The following KIF26A variants were observed in gnomAD, a reference collection of about 807,000 sequenced individuals.
KIF26A encodes the protein kinesin family member 26A, also known as kinesin-like protein KIF26A.
KIF26A carries 74 observed loss-of-function variants against 126.0 expected under a neutral mutation model. The ratio of observed to expected loss-of-function variants is 0.59; its 90% confidence interval spans 0.49 to 0.71. The LOEUF (loss-of-function observed/expected upper bound fraction) is 0.71, where lower values mean the gene tolerates loss of function less well. KIF26A is among the 30% of genes least tolerant of loss of function. The pLI is 0.00. For synonymous variants in KIF26A, 1,445 were observed against 1,232.7 expected (o/e 1.17, Z -3.61); for missense variants, 2,984 against 2,763.3 (o/e 1.08, Z -1.79).
chr14:104,176,765 C>T lies in KIF26A; in HGVS notation c.3977C>T (p.Pro1326Leu). The T allele has an allele frequency of 6.3e-7, 1 of 1,582,510 alleles. No individual in the cohort carries two copies. Among genetic ancestry groups the T allele is most frequent in the Non-Finnish European group, 8.6e-7 (1 of 1,165,720 alleles). ...CCAGCTGTGTCCTGGGGAGATGCTC[C>T]CACGGAGGTGGTGGCCTGCTCGGGG... ...TTPAVSWGDA[P>L]TEVVACSGSL... is the part of the protein sequence containing the mutation. The change falls in exon 12 of 15, where the codon CCC becomes CTC. Residue 1326 changes from proline to leucine, a missense_variant. Physicochemically the swap from Pro to Leu is moderately conservative, Grantham distance 98. Transcript: ENST00000423312.
intron 3 of KIF26A, among the ~76,000 whole-genome samples, chr14:104,156,081 C>T (rs369718604): frequency 2.2e-4 from 34 of 152,306 alleles, no homozygotes; most frequent in East Asian, 1.2e-3. Context: ...GGTGCGGCCC[C>T]GGCCCCCAGG....
rs1351728208 is a variant in KIF26A, at chr14:104,173,080, G to A, written c.1524G>A (p.Glu508=). 1.2e-6 allele frequency: 2 copies of A among 1,605,180 alleles called. No homozygotes were observed. Among genetic ancestry groups the A allele is most frequent in the Admixed American group, 1.7e-5 (1 of 58,922 alleles). ...TCAGGCTCATCGAGGAGCGCAGGGA[G>A]AGGACGGGCACCCGCTTCTCCGTCC... ...WLFRLIEERR[E]RTGTRFSVRV... is the part of the protein sequence containing the mutation. The change falls in exon 8 of 15, where the codon GAG becomes GAA. Residue 508 remains glutamate (E), a synonymous_variant. Coordinates refer to ENST00000423312, the MANE Select transcript of KIF26A (RefSeq NM_015656.2).
In KIF26A at chr14:104,175,471, G is replaced by A. The variant is rs764271442; in HGVS notation, c.2683G>A (p.Ala895Thr). Reference protein sequence around the residue: ...SPRKAVGTPMAASTPRGSSGP... With the variant: ...SPRKAVGTPMTASTPRGSSGP... ...CAGGAAGGCCGTGGGCACCCCGATG[G>A]CTGCCAGCACCCCTCGAGGCAGTTC... The change falls in exon 12 of 15, where the codon GCT becomes ACT. Residue 895 changes from alanine (A) to threonine (T), a missense_variant. By Grantham distance (58) the Ala-to-Thr change is moderately conservative. Coordinates refer to ENST00000423312, the MANE Select transcript of KIF26A (RefSeq NM_015656.2). The A allele has an allele frequency of 1.9e-6, 3 of 1,592,530 alleles. No individual in the cohort carries two copies. The South Asian group carries it at 3.3e-5, about 18-fold the overall frequency.
chr14:104,173,235 C>T lies in KIF26A; in HGVS notation c.1679C>T (p.Ala560Val), dbSNP rs371178408. ...CTGCGGGAGGACCCCGTGTGTGGGG[C>T]GCAGGTGCGCCTGCCTACTGTCCCA... ...VYLREDPVCG[A>V]QLQNQSELRA... The change falls in exon 8 of 15, where the codon GCG becomes GTG. Residue 560 changes from alanine to valine, a missense_variant. Transcript: ENST00000423312. The T allele has an allele frequency of 2.2e-5, 35 of 1,606,442 alleles. 1 individual carries two copies. The highest frequency in any genetic ancestry group is 1.7e-4 in the Middle Eastern group (1 of 6,040).
intron 6 of KIF26A, 105 bp from the exon 7 acceptor site, chr14:104,172,466 TCTCC>T (rs2141114602): frequency 2.8e-6 from 2 of 706,592 alleles, no homozygotes; most frequent in South Asian, 3.6e-5. Context: ...TGCAGCCCAA[TCTCC>T]TTGTGGGTCG....
intron 3 of KIF26A, among the ~76,000 whole-genome samples, chr14:104,157,134 A>G (rs1366973924): frequency 1.3e-5 from 2 of 152,096 alleles, no homozygotes; most frequent in African/African-American, 2.4e-5. Flanking sequence ...GCGGAGGTGG[A>G]GCTCACGTTT....
At chr14:104,172,887 G>T in intron 7 of KIF26A, 90 bp from the exon 8 acceptor site, 1 of 1,435,736 alleles carries the variant, frequency 7.0e-7, no homozygotes, top group South Asian at 1.5e-5. Context: ...CTGAGATCTC[G>T]GTGCCCCTGG....
chr14:104,173,552 G>A lies in KIF26A; in HGVS notation c.1867+39G>A, dbSNP rs534151845. 5.9e-6 allele frequency: 9 copies of A among 1,514,762 alleles called. 1 individual carries two copies. In the Middle Eastern group the frequency reaches 5.5e-4, roughly 93 times the overall value. The allele number at this position is 1,514,762 out of a possible 1,614,324, so 93.8% of individuals were successfully genotyped here. ...CCGCACTCCCGGGCCCCTGTGGGAT[G>A]CGTGTCAGCAGAGACCCAGGCACAG... On this transcript the variant is annotated intron_variant, in intron 9 of 14. Transcript: ENST00000423312.
chr14:104,142,441 C>T (rs1232126343), intron 2 of KIF26A, among the ~76,000 whole-genome samples: 1 of 152,026 alleles, frequency 6.6e-6, no homozygotes, highest in Non-Finnish European at 1.5e-5. Flanking sequence ...TGTGGCCTGG[C>T]CTCCTGTGGC....
chr14:104,147,459 G>T (rs2141091547), intron 2 of KIF26A, among the ~76,000 whole-genome samples: 1 of 152,326 alleles, frequency 6.6e-6, no homozygotes, highest in Non-Finnish European at 1.5e-5. Flanking sequence ...CAGAGCTGCA[G>T]ACCCACAGGA....
Position 104,176,788 on chromosome 14 carries a change from G to C in KIF26A, c.4000G>C (p.Gly1334Arg). 2 of 1,571,856 alleles carry C rather than the reference G, an allele frequency of 1.3e-6. No individual in the cohort carries two copies. Among genetic ancestry groups the C allele is most frequent in the Non-Finnish European group, 1.7e-6 (2 of 1,159,978 alleles). ...TCCCACGGAGGTGGTGGCCTGCTCG[G>C]GGAGCCTGAAGGCCTCCCCCACCAG... The part of the protein sequence containing the change: ...DAPTEVVACS[G>R]SLKASPTSKK... Residue 1334 changes from glycine to arginine, a missense_variant, in exon 12 of 15, where the codon GGG becomes CGG. Transcript: ENST00000423312.
Position 104,173,327 on chromosome 14 carries a change from C to T in KIF26A, c.1684-3C>T, listed in dbSNP as rs746698105. On this transcript the variant is annotated splice_region_variant and splice_polypyrimidine_tract_variant and intron_variant, in intron 8 of 14. Coordinates refer to ENST00000423312, the MANE Select transcript of KIF26A (RefSeq NM_015656.2). ...GACGCCGCTGCCTCTGCCTTTCCTG[C>T]AGCTCCAGAACCAAAGCGAGCTGCG... 25 of 1,605,684 alleles carry T rather than the reference C, an allele frequency of 1.6e-5. No homozygotes were observed. The highest frequency in any genetic ancestry group is 3.4e-5 in the Admixed American group (2 of 59,474).
At chr14:104,161,514 T>C (rs748649503) in intron 4 of KIF26A, among the ~76,000 whole-genome samples, 1 of 152,238 alleles carries the variant, frequency 6.6e-6, no homozygotes, top group Admixed American at 6.5e-5. Context: ...AAGGAAAATA[T>C]TTCCTTTTCT....
rs549939896 is a variant in KIF26A at position 104,170,679 on chromosome 14, C to T, written c.1114-1044C>T. 5.3e-5 allele frequency among the ~76,000 whole-genome samples: 8 copies of T among 152,358 alleles called. No individual in the cohort carries two copies. The East Asian group carries it at 9.6e-4, about 18-fold the overall frequency. ...TGGAGCCCTGGTTCAGGGTGGCCCT[C>T]GTGTGCGCAGCCTCTGCCGGGTCAG... On this transcript the variant is annotated intron_variant, in intron 5 of 14. Transcript: ENST00000423312.
At chr14:104,173,954 T>C (rs2037988262) in intron 10 of KIF26A, 86 bp downstream of exon 10, 1 of 1,470,792 alleles carries the variant, frequency 6.8e-7, no homozygotes, top group Non-Finnish European at 9.1e-7. Context: ...GGTGCTGCTG[T>C]GGCCCCCAGC....
At chr14:104,169,371 G>A (rs71417900) in intron 5 of KIF26A, among the ~76,000 whole-genome samples, 4,178 of 152,324 alleles carry the variant, frequency 0.027, 83 homozygotes, top group Non-Finnish European at 0.029. Flanking sequence ...TTTTCCCAGC[G>A]CCCCGCGTTT....
At chr14:104,159,317 G>A (rs1259797653) in intron 4 of KIF26A, among the ~76,000 whole-genome samples, 3 of 152,250 alleles carry the variant, frequency 2.0e-5, no homozygotes, top group Admixed American at 6.5e-5. Flanking sequence ...GCTGTTCTGG[G>A]CACAGCCCTG....
chr14:104,157,906 C>A lies in KIF26A; in HGVS notation c.887C>A (p.Ser296Tyr). 1 of 1,547,876 alleles carries A rather than the reference C, an allele frequency of 6.5e-7. No homozygotes were observed. The highest frequency in any genetic ancestry group is 8.7e-7 in the Non-Finnish European group (1 of 1,145,156). Residue 296 changes from serine (S) to tyrosine (Y), a missense_variant, in exon 4 of 15, where the codon TCC (serine) becomes TAC (tyrosine). Ser to Tyr is a moderately radical substitution (Grantham distance 144). Coordinates refer to ENST00000423312, the MANE Select transcript of KIF26A (RefSeq NM_015656.2). ...VTPTPGSVGG[S>Y]TGPSAAASFF... ...CCCACCCCGGGCTCGGTGGGGGGCT[C>A]CACAGGCCCCTCAGCTGCAGCCTCC... is the stretch of plus-strand genomic sequence containing the variant.
chr14:104,178,289 G>A (rs2038058648), intron 12 of KIF26A, among the ~76,000 whole-genome samples: 1 of 152,168 alleles, frequency 6.6e-6, no homozygotes, highest in African/African-American at 2.4e-5. Flanking sequence ...CGCCAGGGCT[G>A]CCCCAAGGGA....
Sources: allele counts gnomAD v4.1 joint callset (sites outside exome capture counted in the v4.1 genomes callset), GRCh38; gene constraint gnomAD v4.1.1; transcripts MANE v1.5; gene names NCBI Gene and HGNC (gene_info 2026-07-23, HGNC 2026-07-21).